Variants in GPC5 observed in about 807,000 individuals in gnomAD.
The protein encoded by GPC5 is glypican-5.
Under a neutral mutation model 53.9 loss-of-function variants are expected in GPC5, and 47 were observed. That is an observed-to-expected ratio of 0.87 (90% CI 0.69 to 1.11). The LOEUF is 1.11. GPC5 is among the 50% of genes most tolerant of loss of function. The pLI is 0.00. For missense variants in GPC5, 748 were observed against 713.1 expected (o/e 1.05, Z -0.56); for synonymous variants, 286 against 263.3 (o/e 1.09, Z -0.84).
chr13:92,346,281 C>T lies in GPC5; in HGVS notation c.1561+201292C>T, dbSNP rs534039149. On this transcript the variant is annotated intron_variant, in intron 7 of 7. Coordinates refer to ENST00000377067, the MANE Select transcript of GPC5 (RefSeq NM_004466.6). ...TCTCAGAGCACAGCCCTTAGCCCTGCTCAACTGCAGATCCCATACAGTAGA... is the reference window on the plus strand; with the variant it reads ...TCTCAGAGCACAGCCCTTAGCCCTGTTCAACTGCAGATCCCATACAGTAGA... Among the ~76,000 whole-genome samples the T allele has an allele frequency of 2.0e-5, 3 of 152,262 alleles. No individual in the cohort carries two copies. In the East Asian group the frequency reaches 5.8e-4, roughly 30 times the overall value.
At chr13:92,318,788 A>G (rs569665421) in intron 7 of GPC5, among the ~76,000 whole-genome samples, 1 of 152,264 alleles carries the variant, frequency 6.6e-6, no homozygotes, top group East Asian at 1.9e-4. Flanking sequence ...AAATGATCAC[A>G]AGGTACTATC....
At chr13:92,263,396 A>G (rs1188396442) in intron 7 of GPC5, among the ~76,000 whole-genome samples, 2 of 152,154 alleles carry the variant, frequency 1.3e-5, no homozygotes, top group African/African-American at 4.8e-5. Context: ...GAAAGTCAAC[A>G]TCAGTATCTT....
intron 7 of GPC5, among the ~76,000 whole-genome samples, chr13:92,443,702 T>G (rs1052918587): frequency 6.6e-6 from 1 of 152,208 alleles, no homozygotes; most frequent in African/African-American, 2.4e-5. Context: ...ACTGACTGCA[T>G]GCATAGCAGC....
intron 6 of GPC5, among the ~76,000 whole-genome samples, chr13:92,046,563 G>A (rs1274951585): frequency 5.3e-5 from 8 of 152,120 alleles, no homozygotes; most frequent in Non-Finnish European, 1.0e-4. Context: ...AGCGAATACC[G>A]ATTTCCAGGA....
chr13:92,252,329 C>T (rs192012770), intron 7 of GPC5, among the ~76,000 whole-genome samples: 4 of 152,180 alleles, frequency 2.6e-5, no homozygotes, highest in African/African-American at 9.6e-5. Flanking sequence ...ATAGATAACT[C>T]ATTTACTAAC....
intron 5 of GPC5, among the ~76,000 whole-genome samples, chr13:91,878,859 A>C (rs1263053353): frequency 6.6e-6 from 1 of 152,168 alleles, no homozygotes; most frequent in African/African-American, 2.4e-5. Flanking sequence ...AGAATGGACT[A>C]ATACATTGAG....
chr13:91,754,866 A>G (rs140012281), intron 4 of GPC5, among the ~76,000 whole-genome samples: 62 of 152,254 alleles, frequency 4.1e-4, no homozygotes, highest in African/African-American at 1.4e-3. Context: ...GTTGTAATCA[A>G]TCTAAGTTAC....
intron 6 of GPC5, among the ~76,000 whole-genome samples, chr13:91,948,543 T>A (rs2039996863): frequency 6.6e-6 from 1 of 152,138 alleles, no homozygotes; most frequent in Non-Finnish European, 1.5e-5. Context: ...GAGCTTTTTT[T>A]TAAACAGAAA....
intron 5 of GPC5, among the ~76,000 whole-genome samples, chr13:91,886,191 T>A (rs2039320077): frequency 6.6e-6 from 1 of 152,154 alleles, no homozygotes; most frequent in South Asian, 2.1e-4. Flanking sequence ...CAAAGAAATG[T>A]CTTACATGGT....
chr13:92,382,315 T>G (rs2043755502), intron 7 of GPC5, among the ~76,000 whole-genome samples: 1 of 152,060 alleles, frequency 6.6e-6, no homozygotes, highest in Non-Finnish European at 1.5e-5. Flanking sequence ...AAATCACCAC[T>G]AAAGAACTTC....
chr13:91,706,782 A>G (rs2036115257), intron 3 of GPC5, among the ~76,000 whole-genome samples: 1 of 152,144 alleles, frequency 6.6e-6, no homozygotes, highest in Admixed American at 6.5e-5. Context: ...TACAGGATGA[A>G]TAAAGGGCAA....
chr13:92,711,576 T>C (rs1169915791), intron 7 of GPC5, among the ~76,000 whole-genome samples: 1 of 152,026 alleles, frequency 6.6e-6, no homozygotes, highest in African/African-American at 2.4e-5. Context: ...AGAGAAAATA[T>C]CACCATCAAT....
rs570137181 is a variant in GPC5 at position 92,098,362 on chromosome 13, A to C, written c.1402-46468A>C. 4.6e-5 allele frequency among the ~76,000 whole-genome samples: 7 copies of C among 152,238 alleles called. No individual in the cohort carries two copies. In the South Asian group the frequency reaches 1.5e-3, roughly 32 times the overall value. ...ATCTTGTTTTTGTTATGACCTTTGCACCTTTGTAACCAGAATATCTATAAT... is the reference window on the plus strand; with the variant it reads ...ATCTTGTTTTTGTTATGACCTTTGCCCCTTTGTAACCAGAATATCTATAAT... On this transcript the variant is annotated intron_variant, in intron 6 of 7. Transcript: ENST00000377067.
chr13:92,271,499 C>T (rs897407156), intron 7 of GPC5, among the ~76,000 whole-genome samples: 2 of 152,122 alleles, frequency 1.3e-5, no homozygotes, highest in Non-Finnish European at 2.9e-5. Flanking sequence ...GCTAAAGCCA[C>T]CTTTTTGAGA....
intron 5 of GPC5, among the ~76,000 whole-genome samples, chr13:91,866,965 C>T (rs1424680133): frequency 2.0e-5 from 3 of 152,190 alleles, no homozygotes; most frequent in African/African-American, 7.2e-5. Flanking sequence ...CCTGTAATCA[C>T]AGCACTTTGG....
intron 7 of GPC5, among the ~76,000 whole-genome samples, chr13:92,822,367 C>G (rs1382716239): frequency 6.6e-6 from 1 of 151,976 alleles, no homozygotes; most frequent in African/African-American, 2.4e-5. Flanking sequence ...CACAATAGCT[C>G]TCTCTCTCTG....
At chr13:92,337,012 A>G (rs1349516790) in intron 7 of GPC5, among the ~76,000 whole-genome samples, 2 of 152,036 alleles carry the variant, frequency 1.3e-5, no homozygotes, top group East Asian at 3.9e-4. Flanking sequence ...GGAAAAACCT[A>G]CCCTCATGAT....
At chr13:91,482,607 T>C (rs1404802275) in intron 2 of GPC5, among the ~76,000 whole-genome samples, 10 of 152,194 alleles carry the variant, frequency 6.6e-5, no homozygotes, top group African/African-American at 1.9e-4. Flanking sequence ...CTCAGGTGAA[T>C]TGTGTGCACA....
intron 7 of GPC5, among the ~76,000 whole-genome samples, chr13:92,597,757 T>C (rs1259993479): frequency 6.6e-6 from 1 of 152,218 alleles, no homozygotes; most frequent in African/African-American, 2.4e-5. Flanking sequence ...CAAAACTTAA[T>C]AGGATAAATG....
Sources: gnomAD v4.1 joint callset for allele counts (sites outside exome capture counted in the v4.1 genomes callset) on GRCh38, gnomAD v4.1.1 for gene constraint, MANE v1.5 for transcripts, NCBI Gene and HGNC (gene_info 2026-07-23, HGNC 2026-07-21) for gene names.